The following PDE1A variants were observed in gnomAD, a reference collection of about 807,000 sequenced individuals.
The protein encoded by PDE1A is dual specificity calcium/calmodulin-dependent 3',5'-cyclic nucleotide phosphodiesterase 1A.
A neutral mutation model predicts 61.7 loss-of-function variants in PDE1A; 35 were observed. That is an observed-to-expected ratio of 0.57 (90% CI 0.43 to 0.75). The LOEUF (loss-of-function observed/expected upper bound fraction) is 0.75. Ranked by LOEUF, PDE1A falls within the 30% of genes least tolerant of loss-of-function variation. PDE1A has a pLI of 0.00. For missense variants in PDE1A, 597 were observed against 630.6 expected, an observed-to-expected ratio of 0.95 and a Z score of 0.57; for synonymous variants, 232 against 213.2, an observed-to-expected ratio of 1.09 and a Z score of -0.77.
the PDE1A span, among the ~76,000 whole-genome samples, chr2:182,627,769 C>T: frequency 6.6e-6 from 1 of 151,200 alleles, no homozygotes; most frequent in Non-Finnish European, 1.5e-5. Context: ...CTTGTGAGAC[C>T]CCATCTCTAC....
intron 2 of PDE1A, among the ~76,000 whole-genome samples, chr2:182,263,306 T>C (rs554560311): frequency 2.0e-5 from 3 of 152,270 alleles, no homozygotes; most frequent in Admixed American, 6.5e-5. Flanking sequence ...TGGGGACCAT[T>C]TGTGGGTCCT....
intron 1 of PDE1A, among the ~76,000 whole-genome samples, chr2:182,334,485 A>C (rs1697649230): frequency 6.6e-6 from 1 of 152,222 alleles, no homozygotes; most frequent in South Asian, 2.1e-4. Flanking sequence ...GCAAATCAAT[A>C]AACGTAATCC....
chr2:182,693,576 T>G, the PDE1A span, among the ~76,000 whole-genome samples: 2 of 151,978 alleles, frequency 1.3e-5, no homozygotes, highest in Non-Finnish European at 2.9e-5. Context: ...TTATCAGACA[T>G]ATGTTTTTCA....
chr2:182,638,743 A>G, the PDE1A span, among the ~76,000 whole-genome samples: 29 of 152,242 alleles, frequency 1.9e-4, no homozygotes, highest in Non-Finnish European at 2.9e-4. Flanking sequence ...CAACAGAAGC[A>G]GTAAAAAGAA....
intron 10 of PDE1A, 45 bp downstream of exon 10, chr2:182,201,394 A>G (rs975525375): frequency 6.2e-7 from 1 of 1,608,174 alleles, no homozygotes; most frequent in African/African-American, 1.3e-5. Context: ...TAATATGCAC[A>G]GTCACTATTT....
chr2:182,372,531 G>A (rs1227571631), intron 1 of PDE1A, among the ~76,000 whole-genome samples: 1 of 152,206 alleles, frequency 6.6e-6, no homozygotes, highest in African/African-American at 2.4e-5. Flanking sequence ...GTTATATGCT[G>A]CTGATATTAC....
At chr2:182,620,712 A>G in the PDE1A span, among the ~76,000 whole-genome samples, 1 of 152,218 alleles carries the variant, frequency 6.6e-6, no homozygotes, top group African/African-American at 2.4e-5. Flanking sequence ...CCACAAAGTT[A>G]CATATACACA....
chr2:182,621,765 T>C, the PDE1A span, among the ~76,000 whole-genome samples: 10 of 152,108 alleles, frequency 6.6e-5, no homozygotes, highest in Admixed American at 6.5e-4. Flanking sequence ...AGTATTTAAC[T>C]CCTATATAAT....
intron 1 of PDE1A, among the ~76,000 whole-genome samples, chr2:182,361,699 A>C (rs1054834293): frequency 6.6e-6 from 1 of 152,060 alleles, no homozygotes; most frequent in Non-Finnish European, 1.5e-5. Flanking sequence ...GGATCCCTTA[A>C]ACATTAATTT....
chr2:182,229,366 G>A (rs1344159744), intron 6 of PDE1A, among the ~76,000 whole-genome samples: 1 of 152,024 alleles, frequency 6.6e-6, no homozygotes. Context: ...TCACAGGAAG[G>A]TCAGTTCCTC....
At chr2:182,214,611 A>T (rs1467462909) in intron 7 of PDE1A, among the ~76,000 whole-genome samples, 1 of 150,934 alleles carries the variant, frequency 6.6e-6, no homozygotes, top group Non-Finnish European at 1.5e-5. Context: ...CAGGGGTTGC[A>T]ATCCTACTCT....
chr2:182,248,037 A>C (rs10184548), intron 2 of PDE1A, among the ~76,000 whole-genome samples: 1 of 151,916 alleles, frequency 6.6e-6, no homozygotes, highest in Non-Finnish European at 1.5e-5. Context: ...TTTCCTTAGG[A>C]ATTCTTAAAA....
chr2:182,242,922 C>CG (rs1260966490), intron 2 of PDE1A, among the ~76,000 whole-genome samples: 910 of 42,424 alleles, frequency 0.021, 15 homozygotes, highest in African/African-American at 0.059. Flanking sequence ...CTCTCTCTCT[C>CG]TCTCGTGTGT....
At chr2:182,253,565 C>A (rs996412767) in intron 2 of PDE1A, among the ~76,000 whole-genome samples, 15 of 152,190 alleles carry the variant, frequency 9.9e-5, no homozygotes, top group African/African-American at 3.1e-4. Flanking sequence ...TTATGCAATT[C>A]TCATTGGCCA....
the PDE1A span, among the ~76,000 whole-genome samples, chr2:182,689,532 T>C: frequency 1.3e-5 from 2 of 151,620 alleles, 1 homozygote; most frequent in Non-Finnish European, 2.9e-5. Flanking sequence ...TAAAGCAGTG[T>C]GTAGAGGGAA....
chr2:182,315,433 A>T (rs1418036465), intron 1 of PDE1A, among the ~76,000 whole-genome samples: 1 of 152,230 alleles, frequency 6.6e-6, no homozygotes, highest in Non-Finnish European at 1.5e-5. Flanking sequence ...AGCAAAATGC[A>T]TATAATTAAA....
At chr2:182,424,762 A>G (rs919022282) in intron 1 of PDE1A, among the ~76,000 whole-genome samples, 2 of 152,152 alleles carry the variant, frequency 1.3e-5, no homozygotes, top group African/African-American at 2.4e-5. Flanking sequence ...CCTAATCACA[A>G]TCATAACCTG....
chr2:182,419,276 C>A (rs536718097), intron 1 of PDE1A, among the ~76,000 whole-genome samples: 1 of 151,832 alleles, frequency 6.6e-6, no homozygotes, highest in Non-Finnish European at 1.5e-5. Flanking sequence ...AAATTATATA[C>A]AAGTTATCAG....
chr2:182,188,899 C>T (rs543264337), intron 11 of PDE1A, 80 bp downstream of exon 11: 2 of 885,038 alleles, frequency 2.3e-6, no homozygotes, highest in East Asian at 5.0e-5. Flanking sequence ...GCAAGTTACC[C>T]CTTTGAACAA....
Sources: allele counts gnomAD v4.1 joint callset (sites outside exome capture counted in the v4.1 genomes callset), GRCh38; gene constraint gnomAD v4.1.1; transcripts MANE v1.5; gene names NCBI Gene and HGNC (gene_info 2026-07-23, HGNC 2026-07-21).